The following OLFM2 variants were observed in gnomAD, a reference collection of about 807,000 sequenced individuals.
OLFM2 encodes the protein noelin-2.
In OLFM2, 20 loss-of-function variants were observed where a neutral mutation model predicts 43.9. The ratio of observed to expected loss-of-function variants is 0.46; its 90% CI spans 0.32 to 0.66. OLFM2 has a LOEUF of 0.66. Among genes scored for constraint, OLFM2 ranks in the 30% least tolerant of loss-of-function variants. OLFM2 has a pLI of 0.04. For missense variants in OLFM2, 416 were observed against 643.6 expected, an observed-to-expected ratio of 0.65 and a Z score of 3.83; for synonymous variants, 268 against 278.6, an observed-to-expected ratio of 0.96 and a Z score of 0.38.
chr19:9,895,486 C>T (rs919918150), intron 1 of OLFM2, among the ~76,000 whole-genome samples: 1 of 142,846 alleles, frequency 7.0e-6, no homozygotes, highest in Non-Finnish European at 1.6e-5. Flanking sequence ...CAGAGTGAGA[C>T]CCTGTCTCAA....
intron 1 of OLFM2, among the ~76,000 whole-genome samples, chr19:9,923,700 GAA>G (rs1470420866): frequency 6.6e-6 from 1 of 151,226 alleles, no homozygotes; most frequent in African/African-American, 2.5e-5. Context: ...AAAAAGAAAA[GAA>G]AAGAGTGCAG....
intron 1 of OLFM2, among the ~76,000 whole-genome samples, chr19:9,918,717 T>G (rs1407677322): frequency 6.6e-6 from 1 of 152,158 alleles, no homozygotes; most frequent in Non-Finnish European, 1.5e-5. Flanking sequence ...TATGCTACAA[T>G]GTGGATGATC....
chr19:9,857,327 A>G lies in OLFM2; in HGVS notation c.516T>C (p.Tyr172=). The change falls in exon 4 of 6, where the codon TAT becomes TAC. Residue 172 remains tyrosine (Y), a synonymous_variant. Transcript: ENST00000264833. The surrounding 1 kb of genome is among the most constrained non-coding windows in gnomAD (Gnocchi z 5.7). Reference sequence around the variant, plus strand: ...CCATCACCCGTTGCTGCAGGTCCTCATACCCGTAGGCACCCATCTCCTCCT... The same window carrying G: ...CCATCACCCGTTGCTGCAGGTCCTCGTACCCGTAGGCACCCATCTCCTCCT... ...AIQEEMGAYG[Y]EDLQQRVMAL... 6.2e-7 allele frequency: 1 copy of G among 1,614,142 alleles called. No individual in the cohort carries two copies. The highest frequency in any genetic ancestry group is 8.5e-7 in the Non-Finnish European group (1 of 1,180,014).
At chr19:9,912,221 G>C (rs540910788) in intron 1 of OLFM2, among the ~76,000 whole-genome samples, 5 of 152,254 alleles carry the variant, frequency 3.3e-5, no homozygotes, top group African/African-American at 9.6e-5. Context: ...TGGCTGCCAA[G>C]TCTAAGAATC....
At chr19:9,904,666 T>G (rs1387265167) in intron 1 of OLFM2, among the ~76,000 whole-genome samples, 1 of 151,950 alleles carries the variant, frequency 6.6e-6, no homozygotes, top group African/African-American at 2.4e-5. Flanking sequence ...AACTGGGGAC[T>G]CTGAAGCCAC....
chr19:9,912,492 C>G (rs1401102009), intron 1 of OLFM2, among the ~76,000 whole-genome samples: 1 of 151,994 alleles, frequency 6.6e-6, no homozygotes, highest in Non-Finnish European at 1.5e-5. Flanking sequence ...TGGGAGGAGC[C>G]CCCCAAACAG....
intron 1 of OLFM2, 68 bp from the exon 2 acceptor site, chr19:9,860,862 G>A (rs1040205920): frequency 1.3e-6 from 2 of 1,494,972 alleles, no homozygotes; most frequent in African/African-American, 1.4e-5. Context: ...ACTGGGACAG[G>A]AAGGGGGCCC....
rs1249390256 is a variant in OLFM2, at chr19:9,857,491, C to T, written c.361-9G>A. The T allele has an allele frequency of 1.9e-6, 3 of 1,612,952 alleles. No individual in the cohort carries two copies. ...ATCCTGTCCTTCAGCTCCTGTGCAT[C>T]AAGATGGAACCATGGCCAAGCCTGA... On this transcript the variant is annotated splice_polypyrimidine_tract_variant and intron_variant, in intron 3 of 5. Transcript: ENST00000264833. This position sits in a 1 kb window ranked among gnomAD's most constrained non-coding sequence, Gnocchi z 5.7.
At chr19:9,917,218 G>C (rs2086389855) in intron 1 of OLFM2, among the ~76,000 whole-genome samples, 1 of 152,028 alleles carries the variant, frequency 6.6e-6, no homozygotes, top group Non-Finnish European at 1.5e-5. Flanking sequence ...CTGTCACCCA[G>C]GCTGGAGTGC....
At chr19:9,886,215 T>G (rs1216820250) in intron 1 of OLFM2, among the ~76,000 whole-genome samples, 1 of 152,192 alleles carries the variant, frequency 6.6e-6, no homozygotes, top group Non-Finnish European at 1.5e-5. Context: ...TTTTTGTTTT[T>G]GTTTTTTGAG....
intron 1 of OLFM2, among the ~76,000 whole-genome samples, chr19:9,918,145 C>G (rs2086397180): frequency 6.6e-6 from 1 of 151,994 alleles, no homozygotes; most frequent in Non-Finnish European, 1.5e-5. Context: ...TCCCAAAGTG[C>G]TGGGATTACA....
At position 9,887,703 on chromosome 19, in the gene OLFM2, C is replaced by T. The variant is rs1453176742; in HGVS notation, c.64-26909G>A. Among the ~76,000 whole-genome samples the T allele has an allele frequency of 2.0e-5, 3 of 152,052 alleles. 1 individual carries two copies. Among genetic ancestry groups the T allele is most frequent in the South Asian group, 4.1e-4 (2 of 4,828 alleles). On this transcript the variant is annotated intron_variant, in intron 1 of 5. Coordinates refer to ENST00000264833, the MANE Select transcript of OLFM2 (RefSeq NM_058164.4). ...TGAACACATGAATCACACTGAGTCT[C>T]TCCCGTGCTGAGAACCCTCCATGGC...
At chr19:9,920,355 A>C (rs1358888136) in intron 1 of OLFM2, among the ~76,000 whole-genome samples, 1 of 152,092 alleles carries the variant, frequency 6.6e-6, no homozygotes, top group Non-Finnish European at 1.5e-5. Flanking sequence ...CTAACACAAG[A>C]ATAGGTGTCT....
rs143064533 is a variant in OLFM2, at chr19:9,884,881, T to C, written c.64-24087A>G. Reference sequence around the variant, plus strand: ...TGGAGACAATGGACAGGCATCAAGATATGAATGAATGAATGAATGCTTCCT... The same window carrying C: ...TGGAGACAATGGACAGGCATCAAGACATGAATGAATGAATGAATGCTTCCT... On this transcript the variant is annotated intron_variant, in intron 1 of 5. Transcript: ENST00000264833. Among the ~76,000 whole-genome samples the C allele has an allele frequency of 2.6e-3, 392 of 152,244 alleles. 1 individual carries two copies. The highest frequency in any genetic ancestry group is 8.7e-3 in the African/African-American group (361 of 41,562).
chr19:9,868,034 G>A (rs1462619090), intron 1 of OLFM2, among the ~76,000 whole-genome samples: 1 of 151,700 alleles, frequency 6.6e-6, no homozygotes, highest in Non-Finnish European at 1.5e-5. Context: ...TCCTGAGTAG[G>A]TGGGACTACA....
intron 1 of OLFM2, among the ~76,000 whole-genome samples, chr19:9,906,654 G>GC (rs1599493247): frequency 6.6e-6 from 1 of 152,142 alleles, no homozygotes; most frequent in East Asian, 1.9e-4. Context: ...ACTCTGAAAT[G>GC]CAGGAAGAGA....
Position 9,857,382 on chromosome 19 carries a change from C to A in OLFM2, c.461G>T (p.Arg154Met). Residue 154 changes from arginine to methionine, a missense_variant, in exon 4 of 6, where the codon AGG (arginine) becomes ATG (methionine). Coordinates refer to ENST00000264833, the MANE Select transcript of OLFM2 (RefSeq NM_058164.4). This position sits in a 1 kb window ranked among gnomAD's most constrained non-coding sequence, Gnocchi z 5.7. Reference sequence around the variant, plus strand: ...GGCCGCCAGACTGCCGGAGAGATTCCTCACCTCCTCCCGCAAGCGTACAAT... The same window carrying A: ...GGCCGCCAGACTGCCGGAGAGATTCATCACCTCCTCCCGCAAGCGTACAAT... Reference protein sequence around the residue: ...RTIVRLREEVRNLSGSLAAIQ... With the variant: ...RTIVRLREEVMNLSGSLAAIQ... 1 of 1,614,184 alleles carries A rather than the reference C, an allele frequency of 6.2e-7. No homozygotes were observed. The highest frequency in any genetic ancestry group is 1.1e-5 in the South Asian group (1 of 91,082).
chr19:9,860,771 C>G lies in OLFM2; in HGVS notation c.87G>C (p.Glu29Asp). The change falls in exon 2 of 6, where the codon GAG becomes GAC. Residue 29 changes from glutamate (E) to aspartate (D), a missense_variant. By Grantham distance (45) the Glu-to-Asp change is conservative (BLOSUM62 2). Coordinates refer to ENST00000264833, the MANE Select transcript of OLFM2 (RefSeq NM_058164.4). ...AGQTLFQNPE[E>D]GWQLYTSAQA... ...GGGCTGAGGTGTACAGCTGCCAGCCCTCTTCTGGGTTCTGGAAGAGAGTCT... is the reference window on the plus strand; with the variant it reads ...GGGCTGAGGTGTACAGCTGCCAGCCGTCTTCTGGGTTCTGGAAGAGAGTCT... The G allele has an allele frequency of 6.2e-7, 1 of 1,608,936 alleles. No individual in the cohort carries two copies. The highest frequency in any genetic ancestry group is 8.5e-7 in the Non-Finnish European group (1 of 1,178,560).
At chr19:9,928,911 C>T (rs2086468138) in intron 1 of OLFM2, among the ~76,000 whole-genome samples, 1 of 152,004 alleles carries the variant, frequency 6.6e-6, no homozygotes, top group Non-Finnish European at 1.5e-5. Context: ...TTTGTGGCTG[C>T]ACTCTGGATG....
Sources: allele counts gnomAD v4.1 joint callset (sites outside exome capture counted in the v4.1 genomes callset), GRCh38; gene constraint gnomAD v4.1.1; non-coding constraint Gnocchi (gnomAD v3.1); transcripts MANE v1.5; gene names NCBI Gene and HGNC (gene_info 2026-07-23, HGNC 2026-07-21).